NYAP2: variants seen among roughly 807,000 people sequenced by gnomAD.
NYAP2 encodes neuronal tyrosine-phosphorylated phosphoinositide-3-kinase adaptor 2.
A neutral mutation model predicts 50.4 loss-of-function variants in NYAP2; 23 were observed. The ratio of observed to expected loss-of-function variants is 0.46; its 90% CI spans 0.33 to 0.65. The LOEUF is 0.65. Among genes scored for constraint, NYAP2 ranks in the 30% least tolerant of loss-of-function variants. The probability of loss-of-function intolerance (pLI) is 0.02; values close to 1 mark genes in which losing one functional copy is unlikely to be tolerated. For missense variants in NYAP2, 885 were observed against 861.0 expected, an observed-to-expected ratio of 1.03 and a Z score of -0.35; for synonymous variants, 394 against 365.2, an observed-to-expected ratio of 1.08 and a Z score of -0.90.
chr2:225,407,353 A>G (rs1333620131), intron 2 of NYAP2, among the ~76,000 whole-genome samples: 1 of 152,026 alleles, frequency 6.6e-6, no homozygotes, highest in Non-Finnish European at 1.5e-5. Flanking sequence ...CTAACCCATT[A>G]CAGCTTAACA....
rs138500026 is a variant in NYAP2, at chr2:225,582,925, G to T, written c.1508G>T (p.Arg503Leu). Residue 503 changes from arginine to leucine, a missense_variant, in exon 5 of 7, where the codon CGG (arginine) becomes CTG (leucine). By Grantham distance (102) the Arg-to-Leu change is moderately radical. Coordinates refer to ENST00000636099, the Ensembl canonical transcript of NYAP2. The surrounding 1 kb of genome is among the most constrained non-coding windows in gnomAD (Gnocchi z 7.0). ...TACGGGGCAGCCCCGGGTGGCTCCC[G>T]GTCCCGGACACCCACGAGCCCGCTG... 4.3e-5 allele frequency: 70 copies of T among 1,612,782 alleles called. No individual in the cohort carries two copies. Among genetic ancestry groups the T allele is most frequent in the Non-Finnish European group, 5.9e-5 (70 of 1,179,838 alleles).
At chr2:225,519,487 G>T (rs1476466642) in intron 4 of NYAP2, among the ~76,000 whole-genome samples, 2 of 138,302 alleles carry the variant, frequency 1.4e-5, no homozygotes, top group African/African-American at 5.5e-5. Flanking sequence ...TGTTCTCATT[G>T]TTCAGTTCCC....
the NYAP2 span, among the ~76,000 whole-genome samples, chr2:225,684,785 A>T: frequency 6.6e-6 from 1 of 152,140 alleles, no homozygotes; most frequent in African/African-American, 2.4e-5. Flanking sequence ...TCCCGGCCTC[A>T]GGTGATCTGC....
intron 5 of NYAP2, among the ~76,000 whole-genome samples, chr2:225,602,622 A>C (rs1327614081): frequency 6.6e-6 from 1 of 152,064 alleles, no homozygotes; most frequent in Non-Finnish European, 1.5e-5. Flanking sequence ...TCTTTGACAC[A>C]TTTTGGGTTA....
intron 5 of NYAP2, among the ~76,000 whole-genome samples, chr2:225,615,862 C>T (rs528465274): frequency 1.3e-5 from 2 of 152,282 alleles, no homozygotes; most frequent in African/African-American, 4.8e-5. Context: ...GAGCAAAGGC[C>T]CTGTGCCTCC....
intron 3 of NYAP2, among the ~76,000 whole-genome samples, chr2:225,438,631 A>G (rs1689421675): frequency 6.6e-6 from 1 of 152,252 alleles, no homozygotes; most frequent in Non-Finnish European, 1.5e-5. Flanking sequence ...TATCTTTAAA[A>G]TAGCATCATC....
chr2:225,683,901 C>T, the NYAP2 span, among the ~76,000 whole-genome samples: 1 of 152,064 alleles, frequency 6.6e-6, no homozygotes, highest in Non-Finnish European at 1.5e-5. Context: ...TTCATACTGA[C>T]CTCATACATA....
chr2:225,419,549 G>T (rs1447939408), intron 3 of NYAP2, among the ~76,000 whole-genome samples: 1 of 152,090 alleles, frequency 6.6e-6, no homozygotes, highest in Non-Finnish European at 1.5e-5. Context: ...TTCATAATGA[G>T]TCCCTTATCT....
At chr2:225,591,168 G>T (rs1692495284) in intron 5 of NYAP2, among the ~76,000 whole-genome samples, 1 of 151,912 alleles carries the variant, frequency 6.6e-6, no homozygotes, top group African/African-American at 2.4e-5. Flanking sequence ...CTATCTCAGA[G>T]GACACTCTCT....
At chr2:225,543,218 A>G (rs1327851307) in intron 4 of NYAP2, among the ~76,000 whole-genome samples, 1 of 151,700 alleles carries the variant, frequency 6.6e-6, no homozygotes, top group African/African-American at 2.4e-5. Flanking sequence ...TTTCTGTTTC[A>G]TTGATCTTTT....
At chr2:225,608,588 C>T (rs917038321) in intron 5 of NYAP2, among the ~76,000 whole-genome samples, 6 of 152,118 alleles carry the variant, frequency 3.9e-5, no homozygotes, top group Non-Finnish European at 5.9e-5. Context: ...GAACTTATTA[C>T]GGTCCCTGAA....
chr2:225,530,153 C>A (rs1433471881), intron 4 of NYAP2, among the ~76,000 whole-genome samples: 1 of 152,124 alleles, frequency 6.6e-6, no homozygotes, highest in Non-Finnish European at 1.5e-5. Flanking sequence ...CTGCTACTCT[C>A]CATCTCATAG....
At chr2:225,606,467 T>TTAAC (rs1175057828) in intron 5 of NYAP2, among the ~76,000 whole-genome samples, 7 of 152,178 alleles carry the variant, frequency 4.6e-5, no homozygotes, top group Non-Finnish European at 1.0e-4. Context: ...CCTATGAGTA[T>TTAAC]TAACTCAGTG....
intron 4 of NYAP2, among the ~76,000 whole-genome samples, chr2:225,545,482 A>G (rs1691563349): frequency 1.3e-5 from 2 of 152,110 alleles, no homozygotes; most frequent in African/African-American, 4.8e-5. Flanking sequence ...ACTCTGATAC[A>G]TTCTTCAGTA....
At chr2:225,568,551 T>C (rs1191145352) in intron 4 of NYAP2, among the ~76,000 whole-genome samples, 1 of 152,224 alleles carries the variant, frequency 6.6e-6, no homozygotes, top group Non-Finnish European at 1.5e-5. Flanking sequence ...GTCAAAGGTC[T>C]ATAAGTCACT....
chr2:225,513,198 A>G (rs772946466), intron 3 of NYAP2, among the ~76,000 whole-genome samples, 173 bp from the exon 4 acceptor site: 20 of 152,332 alleles, frequency 1.3e-4, no homozygotes, highest in South Asian at 4.1e-4. Context: ...AACAAAATTT[A>G]ACACAAAAGT....
intron 5 of NYAP2, among the ~76,000 whole-genome samples, chr2:225,622,521 C>CTTTCTT (rs1693126223): frequency 2.9e-5 from 1 of 34,672 alleles, no homozygotes; most frequent in African/African-American, 7.9e-5. Context: ...TTTCTTTCTT[C>CTTTCTT]TTTCTTTCTT....
chr2:225,425,005 A>G (rs1348874056), intron 3 of NYAP2, among the ~76,000 whole-genome samples: 4 of 152,344 alleles, frequency 2.6e-5, no homozygotes, highest in East Asian at 3.9e-4. Context: ...TAATCATTAT[A>G]GAAACATTGG....
At chr2:225,522,978 G>T (rs1054564860) in intron 4 of NYAP2, among the ~76,000 whole-genome samples, 13 of 152,128 alleles carry the variant, frequency 8.5e-5, no homozygotes, top group African/African-American at 3.1e-4. Flanking sequence ...TTTTCTTCCA[G>T]TGTAAAATTT....
Sources: gnomAD v4.1 joint callset for allele counts (sites outside exome capture counted in the v4.1 genomes callset) on GRCh38, gnomAD v4.1.1 for gene constraint, Gnocchi (gnomAD v3.1) non-coding constraint, MANE v1.5 for transcripts, NCBI Gene and HGNC (gene_info 2026-07-23, HGNC 2026-07-21) for gene names.